NIPAL2: variants seen among roughly 807,000 people sequenced by gnomAD.
NIPAL2 encodes NIPA like domain containing 2.
A neutral mutation model predicts 48.9 loss-of-function variants in NIPAL2; 43 were observed. That is an observed-to-expected ratio of 0.88 (90% CI 0.69 to 1.13). The LOEUF is 1.13. NIPAL2 is among the 50% of genes most tolerant of loss of function. The probability of loss-of-function intolerance (pLI) is 0.00; values close to 1 mark genes in which losing one functional copy is unlikely to be tolerated. For synonymous variants in NIPAL2, 167 were observed against 174.6 expected (o/e 0.96, Z 0.34); for missense variants, 446 against 461.4 (o/e 0.97, Z 0.31).
intron 1 of NIPAL2, among the ~76,000 whole-genome samples, chr8:98,290,127 G>C (rs1816416969): frequency 6.6e-6 from 1 of 152,172 alleles, no homozygotes; most frequent in South Asian, 2.1e-4. Context: ...GTCCTTACAT[G>C]AGCAGTGAGG....
At chr8:98,280,461 G>T (rs148347352) in intron 1 of NIPAL2, among the ~76,000 whole-genome samples, 248 of 152,076 alleles carry the variant, frequency 1.6e-3, no homozygotes, top group African/African-American at 5.7e-3. Flanking sequence ...AGTGATTTAG[G>T]TCAACTAATT....
Position 98,194,051 on chromosome 8 carries a change from T to G in NIPAL2, c.1039+677A>C, listed in dbSNP as rs1810427749. On this transcript the variant is annotated intron_variant, in intron 10 of 10. Transcript: ENST00000430223. Reference sequence around the variant, plus strand: ...GCTAACAGAATGGTGGAGAAAGCTGTGAGAATGTCTCCACTCCTGCCTGGA... The same window carrying G: ...GCTAACAGAATGGTGGAGAAAGCTGGGAGAATGTCTCCACTCCTGCCTGGA... Among the ~76,000 whole-genome samples the G allele has an allele frequency of 1.3e-5, 2 of 152,146 alleles. 1 individual carries two copies. The highest frequency in any genetic ancestry group is 4.1e-4 in the South Asian group (2 of 4,822).
chr8:98,257,347 C>CTTTTTTTTT (rs1162654230), intron 1 of NIPAL2, among the ~76,000 whole-genome samples: 2 of 58,006 alleles, frequency 3.4e-5, no homozygotes, highest in Non-Finnish European at 6.4e-5. Context: ...TTCTTTCTTT[C>CTTTTTTTTT]TTTTTTTTTT....
At chr8:98,224,404 G>C (rs752445499) in intron 4 of NIPAL2, among the ~76,000 whole-genome samples, 3 of 151,112 alleles carry the variant, frequency 2.0e-5, no homozygotes, top group Non-Finnish European at 4.4e-5. Context: ...TTTCTGCTTA[G>C]AACATTTTGG....
chr8:98,208,382 CA>C lies in NIPAL2; in HGVS notation c.656-3137del, dbSNP rs1811142121. 3.9e-5 allele frequency among the ~76,000 whole-genome samples: 6 copies of C among 152,228 alleles called. 1 individual carries two copies. In the South Asian group the frequency reaches 1.2e-3, roughly 32 times the overall value. ...TATTTACTAATTTGTCTCTGATAACCAAAGCATTCCATGGATAGAGAAGGAC... is the reference window on the plus strand; with the variant it reads ...TATTTACTAATTTGTCTCTGATAACCAAGCATTCCATGGATAGAGAAGGAC... On this transcript the variant is annotated intron_variant, in intron 6 of 10. Coordinates refer to ENST00000430223, the MANE Select transcript of NIPAL2 (RefSeq NM_001321635.2).
chr8:98,272,238 C>T (rs537187772), intron 1 of NIPAL2, among the ~76,000 whole-genome samples: 1 of 152,284 alleles, frequency 6.6e-6, no homozygotes, highest in South Asian at 2.1e-4. Flanking sequence ...TCCAGGACCT[C>T]ATGATTGATG....
chr8:98,250,247 C>G (rs558305496), intron 3 of NIPAL2, among the ~76,000 whole-genome samples: 2 of 152,236 alleles, frequency 1.3e-5, no homozygotes, highest in Admixed American at 1.3e-4. Context: ...TTTCTTAAAG[C>G]TCCCAATAAA....
At chr8:98,198,235 T>C (rs181101688) in intron 8 of NIPAL2, among the ~76,000 whole-genome samples, 6 of 152,338 alleles carry the variant, frequency 3.9e-5, no homozygotes, top group Admixed American at 3.9e-4. Flanking sequence ...GAAAGGACTC[T>C]TTTTCCTGGT....
At chr8:98,210,111 T>C (rs941152400) in intron 6 of NIPAL2, among the ~76,000 whole-genome samples, 7 of 152,042 alleles carry the variant, frequency 4.6e-5, no homozygotes, top group Non-Finnish European at 1.0e-4. Flanking sequence ...ATAAATCCAT[T>C]ACTTTTCTCT....
intron 8 of NIPAL2, among the ~76,000 whole-genome samples, chr8:98,200,535 A>T (rs1355546343): frequency 6.6e-6 from 1 of 152,120 alleles, no homozygotes; most frequent in Non-Finnish European, 1.5e-5. Context: ...TCATCTGTTG[A>T]TGGACATCTG....
chr8:98,260,051 T>A (rs978898751), intron 1 of NIPAL2, among the ~76,000 whole-genome samples: 1 of 152,190 alleles, frequency 6.6e-6, no homozygotes, highest in Non-Finnish European at 1.5e-5. Context: ...GTGCGGATAC[T>A]GTGGATCACT....
At chr8:98,264,119 G>A (rs1814548494) in intron 1 of NIPAL2, among the ~76,000 whole-genome samples, 1 of 152,024 alleles carries the variant, frequency 6.6e-6, no homozygotes, top group Admixed American at 6.6e-5. Flanking sequence ...AGGTATTGAT[G>A]GGATGTATGT....
At chr8:98,224,977 G>A (rs1033213264) in intron 4 of NIPAL2, among the ~76,000 whole-genome samples, 30 of 151,818 alleles carry the variant, frequency 2.0e-4, no homozygotes, top group African/African-American at 6.8e-4. Flanking sequence ...GGGTGGTCTC[G>A]AACTCTTGAC....
chr8:98,192,633 G>A lies in NIPAL2; in HGVS notation c.*345C>T, dbSNP rs898704838. The A allele has an allele frequency of 3.2e-5, 7 of 217,878 alleles. No homozygotes were observed. Among genetic ancestry groups the A allele is most frequent in the Admixed American group, 1.5e-4 (3 of 19,412 alleles). 13.5% of individuals were successfully genotyped at this position (217,878 alleles called of 1,614,324 possible). On this transcript the variant is annotated 3_prime_UTR_variant, in exon 11 of 11. Coordinates refer to ENST00000430223, the MANE Select transcript of NIPAL2 (RefSeq NM_001321635.2). ...TAAAGTGAAGCAACTGACACTACCCGTGGGAGAAGCCACCTATGCGACCTG... is the reference window on the plus strand; with the variant it reads ...TAAAGTGAAGCAACTGACACTACCCATGGGAGAAGCCACCTATGCGACCTG...
At chr8:98,271,884 G>GTT (rs535594385) in intron 1 of NIPAL2, among the ~76,000 whole-genome samples, 101 of 141,870 alleles carry the variant, frequency 7.1e-4, no homozygotes, top group African/African-American at 2.5e-3. Flanking sequence ...TTTGTTGAGA[G>GTT]TTTTTTTTTT....
chr8:98,253,852 C>CA (rs1200725250), intron 2 of NIPAL2, among the ~76,000 whole-genome samples, 167 bp downstream of exon 2: 1 of 152,082 alleles, frequency 6.6e-6, no homozygotes, highest in African/African-American at 2.4e-5. Context: ...GAATGCACTC[C>CA]AGCCTGAATT....
chr8:98,274,708 T>C (rs1227539352), intron 1 of NIPAL2, among the ~76,000 whole-genome samples: 1 of 152,080 alleles, frequency 6.6e-6, no homozygotes, highest in Non-Finnish European at 1.5e-5. Context: ...AATAACTAGA[T>C]TTTTTAAACT....
intron 5 of NIPAL2, among the ~76,000 whole-genome samples, chr8:98,218,981 T>C (rs2130743319): frequency 6.6e-6 from 1 of 152,246 alleles, no homozygotes; most frequent in African/African-American, 2.4e-5. Flanking sequence ...AAGCCTGAAT[T>C]AATGCAACAG....
intron 8 of NIPAL2, among the ~76,000 whole-genome samples, chr8:98,197,474 A>G (rs1372358555): frequency 2.0e-5 from 3 of 152,328 alleles, no homozygotes; most frequent in South Asian, 4.1e-4. Flanking sequence ...ACTTCTTAAG[A>G]TAAGACAATA....
Sources: allele counts gnomAD v4.1 joint callset (sites outside exome capture counted in the v4.1 genomes callset), GRCh38; gene constraint gnomAD v4.1.1; transcripts MANE v1.5; gene names NCBI Gene and HGNC (gene_info 2026-07-23, HGNC 2026-07-21).